Variants in SCN8A observed in about 807,000 individuals in gnomAD.
SCN8A encodes the protein sodium voltage-gated channel alpha subunit 8.
A neutral mutation model predicts 184.1 loss-of-function variants in SCN8A; 30 were observed. The observed-to-expected ratio is 0.16, with a 90% CI of 0.12 to 0.22. The LOEUF is 0.22. Ranked by LOEUF, SCN8A falls within the 10% of genes least tolerant of loss-of-function variation. The pLI, the probability that SCN8A is intolerant of heterozygous loss-of-function variation, is 1.00. For synonymous variants in SCN8A, 852 were observed against 907.0 expected, an observed-to-expected ratio of 0.94 and a Z score of 1.09; for missense variants, 1,057 against 2,498.9, an observed-to-expected ratio of 0.42 and a Z score of 12.30.
intron 1 of SCN8A, among the ~76,000 whole-genome samples, chr12:51,608,242 C>T (rs1035724958): frequency 6.6e-6 from 1 of 151,890 alleles, no homozygotes; most frequent in Non-Finnish European, 1.5e-5. Context: ...CATCTCCTGA[C>T]CTTGTGATCC....
At chr12:51,727,743 G>A (rs189431514) in intron 12 of SCN8A, among the ~76,000 whole-genome samples, 1 of 152,074 alleles carries the variant, frequency 6.6e-6, no homozygotes, top group African/African-American at 2.4e-5. Context: ...CGGGCAGATC[G>A]TTTGAGGTCA....
intron 14 of SCN8A, 91 bp downstream of exon 14, chr12:51,751,684 T>A: frequency 1.0e-6 from 1 of 973,378 alleles, no homozygotes; most frequent in Non-Finnish European, 1.5e-6. Context: ...GGAGTTTCTT[T>A]GAAAAGAAAG....
intron 21 of SCN8A, among the ~76,000 whole-genome samples, chr12:51,784,637 A>G (rs1938032420): frequency 6.6e-6 from 1 of 152,168 alleles, no homozygotes; most frequent in African/African-American, 2.4e-5. Context: ...ATTTTATAGG[A>G]TTTTATATCA....
At chr12:51,672,233 A>G (rs946440777) in intron 2 of SCN8A, among the ~76,000 whole-genome samples, 2 of 152,138 alleles carry the variant, frequency 1.3e-5, no homozygotes, top group Non-Finnish European at 2.9e-5. Context: ...TTTACTCACC[A>G]CATACACATA....
rs776532418 is a variant in SCN8A at position 51,721,866 on chromosome 12, C to T, written c.1956C>T (p.Ile652=). ...ACTGCAACGGCGTGGTGTCCCTCATCGGCGGCCCCGGCTCCCACATCGGCG... is the reference window on the plus strand; with the variant it reads ...ACTGCAACGGCGTGGTGTCCCTCATTGGCGGCCCCGGCTCCCACATCGGCG... ...TVDCNGVVSL[I]GGPGSHIGGR... Residue 652 remains isoleucine, a synonymous_variant, in exon 12 of 27, where the codon ATC becomes ATT. Transcript: ENST00000627620. 7.5e-6 allele frequency: 12 copies of T among 1,602,244 alleles called. No individual in the cohort carries two copies. Among genetic ancestry groups the T allele is most frequent in the South Asian group, 6.6e-5 (6 of 91,082 alleles).
intron 26 of SCN8A, among the ~76,000 whole-genome samples, chr12:51,798,905 G>C (rs773236506): frequency 5.9e-5 from 9 of 152,214 alleles, no homozygotes; most frequent in Admixed American, 1.3e-4. Context: ...TACAGCCCAT[G>C]AATCAGTATA....
chr12:51,608,021 CTTTTTTTT>C (rs749172465), intron 1 of SCN8A, among the ~76,000 whole-genome samples: 6 of 133,478 alleles, frequency 4.5e-5, no homozygotes, highest in African/African-American at 1.7e-4. Flanking sequence ...TTTCTTTTTC[CTTTTTTTT>C]TTTTTTTTTG....
At chr12:51,646,728 A>G (rs772681601) in intron 1 of SCN8A, among the ~76,000 whole-genome samples, 3 of 152,218 alleles carry the variant, frequency 2.0e-5, no homozygotes, top group Non-Finnish European at 4.4e-5. Context: ...TATAAAGGGA[A>G]AGGCTCTTGT....
chr12:51,660,731 G>A lies in SCN8A; in HGVS notation c.-54-2033G>A, dbSNP rs1350108006. On this transcript the variant is annotated intron_variant, in intron 1 of 26. Transcript: ENST00000627620. The stretch of plus-strand genomic sequence containing the variant: ...AATATCTGCCTCATATGCTGCTCTG[G>A]AGATTGAACGAGTTAATACCAGCAA... Among the ~76,000 whole-genome samples, 3 of 152,144 alleles carry A rather than the reference G, an allele frequency of 2.0e-5. No homozygotes were observed. In the East Asian group the frequency reaches 5.8e-4, roughly 29 times the overall value.
intron 14 of SCN8A, among the ~76,000 whole-genome samples, chr12:51,758,939 C>T (rs1942721307): frequency 1.3e-5 from 2 of 151,606 alleles, no homozygotes; most frequent in South Asian, 4.2e-4. Context: ...CCAAGCCATA[C>T]ACACACACAT....
At chr12:51,724,438 A>G (rs542250860) in intron 12 of SCN8A, among the ~76,000 whole-genome samples, 4 of 152,278 alleles carry the variant, frequency 2.6e-5, no homozygotes, top group Admixed American at 2.0e-4. Flanking sequence ...GAAGAGCAAC[A>G]CTCTTGTCTC....
intron 12 of SCN8A, among the ~76,000 whole-genome samples, chr12:51,728,731 CAAAAAAAA>C (rs10560307): frequency 0.77 from 108,525 of 140,660 alleles, 42,912 homozygotes; most frequent in East Asian, 0.9. Context: ...CCCTGTTTCC[CAAAAAAAA>C]AAAAAAAAAA....
chr12:51,801,609 C>T (rs1478170803), intron 26 of SCN8A, among the ~76,000 whole-genome samples: 1 of 152,154 alleles, frequency 6.6e-6, no homozygotes, highest in Non-Finnish European at 1.5e-5. Context: ...TTTTAACTCC[C>T]CGAGCTGCGA....
chr12:51,769,433 A>G, intron 17 of SCN8A, 98 bp downstream of exon 17: 1 of 797,184 alleles, frequency 1.3e-6, no homozygotes, highest in Non-Finnish European at 2.0e-6. Flanking sequence ...TGGTAGAGAG[A>G]TTCTGGAATA....
intron 1 of SCN8A, among the ~76,000 whole-genome samples, chr12:51,635,840 A>G (rs1940303860): frequency 6.6e-6 from 1 of 152,146 alleles, no homozygotes; most frequent in Non-Finnish European, 1.5e-5. Context: ...AATATTAGGT[A>G]TGTTTTATCA....
At chr12:51,662,686 T>G in intron 1 of SCN8A, 78 bp from the exon 2 acceptor site, 7 of 854,074 alleles carry the variant, frequency 8.2e-6, no homozygotes, top group East Asian at 2.5e-5. Context: ...GAATTAAGGT[T>G]GAGAGTGAGA....
chr12:51,745,948 T>C lies in SCN8A; in HGVS notation c.2044T>C (p.Leu682=). The change falls in exon 13 of 27, where the codon TTA becomes CTA. Residue 682 remains leucine, a synonymous_variant. Transcript: ENST00000627620. ...EIKKKGPGSL[L]VSMDQLASYG... ...TAAGAAGAAAGGCCCTGGATCTCTTTTAGTTTCCATGGACCAATTAGCCTC... is the reference window on the plus strand; with the variant it reads ...TAAGAAGAAAGGCCCTGGATCTCTTCTAGTTTCCATGGACCAATTAGCCTC... The C allele has an allele frequency of 1.2e-6, 2 of 1,610,254 alleles. No homozygotes were observed. Among genetic ancestry groups the C allele is most frequent in the East Asian group, 2.2e-5 (1 of 44,846 alleles).
At chr12:51,782,748 T>C (rs972436491) in intron 21 of SCN8A, among the ~76,000 whole-genome samples, 6 of 152,204 alleles carry the variant, frequency 3.9e-5, no homozygotes, top group African/African-American at 1.4e-4. Context: ...GAGGCAGTTA[T>C]TTGAATAACC....
At chr12:51,738,411 T>C (rs374743536) in intron 12 of SCN8A, among the ~76,000 whole-genome samples, 6 of 152,310 alleles carry the variant, frequency 3.9e-5, no homozygotes, top group East Asian at 1.9e-4. Flanking sequence ...GTTGAGCGGA[T>C]TGAATTGGCC....
Sources: allele counts gnomAD v4.1 joint callset (sites outside exome capture counted in the v4.1 genomes callset), GRCh38; gene constraint gnomAD v4.1.1; transcripts MANE v1.5; gene names NCBI Gene and HGNC (gene_info 2026-07-23, HGNC 2026-07-21).